Variants in CNTNAP2 observed in about 807,000 individuals in gnomAD.
The protein encoded by CNTNAP2 is contactin associated protein 2.
A neutral mutation model predicts 155.2 loss-of-function variants in CNTNAP2; 98 were observed. That is an observed-to-expected ratio of 0.63 (90% CI 0.54 to 0.75). The LOEUF (loss-of-function observed/expected upper bound fraction) is 0.75. Among genes scored for constraint, CNTNAP2 ranks in the 30% least tolerant of loss-of-function variants. The pLI, the probability that CNTNAP2 is intolerant of heterozygous loss-of-function variation, is 0.00. For synonymous variants in CNTNAP2, 651 were observed against 631.2 expected (o/e 1.03, Z -0.47); for missense variants, 1,727 against 1,688.1 (o/e 1.02, Z -0.40).
chr7:147,562,634 T>C (rs1800086845), intron 12 of CNTNAP2, among the ~76,000 whole-genome samples: 1 of 152,198 alleles, frequency 6.6e-6, no homozygotes, highest in Non-Finnish European at 1.5e-5. Context: ...AGCTTTTAGA[T>C]CGTGACAGAC....
At chr7:146,684,500 T>C (rs1800559826) in intron 1 of CNTNAP2, among the ~76,000 whole-genome samples, 1 of 152,046 alleles carries the variant, frequency 6.6e-6, no homozygotes, top group Non-Finnish European at 1.5e-5. Context: ...AAAACACTTC[T>C]AGTATTCAAA....
intron 1 of CNTNAP2, among the ~76,000 whole-genome samples, chr7:146,448,691 G>T (rs950917345): frequency 3.3e-5 from 5 of 152,002 alleles, no homozygotes; most frequent in African/African-American, 1.2e-4. Flanking sequence ...TACCAAACTA[G>T]CATAATAAAT....
intron 1 of CNTNAP2, among the ~76,000 whole-genome samples, chr7:146,634,513 G>A (rs1300841206): frequency 1.3e-5 from 2 of 152,042 alleles, no homozygotes; most frequent in East Asian, 3.9e-4. Context: ...CTTTAGTAGT[G>A]CTCTATAAAC....
At chr7:148,349,355 C>T (rs1446225195) in intron 21 of CNTNAP2, among the ~76,000 whole-genome samples, 1 of 151,026 alleles carries the variant, frequency 6.6e-6, no homozygotes, top group Non-Finnish European at 1.5e-5. Flanking sequence ...ACGTAAAACA[C>T]ACTAACACTA....
chr7:147,739,659 G>A (rs1796923050), intron 13 of CNTNAP2, among the ~76,000 whole-genome samples: 1 of 151,880 alleles, frequency 6.6e-6, no homozygotes, highest in Non-Finnish European at 1.5e-5. Context: ...GCCTTGAGAA[G>A]CTGAAAATTG....
At chr7:146,559,814 T>C (rs1029542876) in intron 1 of CNTNAP2, among the ~76,000 whole-genome samples, 4 of 151,036 alleles carry the variant, frequency 2.6e-5, no homozygotes, top group African/African-American at 9.8e-5. Flanking sequence ...ATAAATAAGT[T>C]TTATTTGATG....
chr7:148,213,809 GC>G (rs1795590155), intron 18 of CNTNAP2, among the ~76,000 whole-genome samples: 1 of 152,108 alleles, frequency 6.6e-6, no homozygotes, highest in African/African-American at 2.4e-5. Context: ...GTGTCCATCT[GC>G]CCCATCAGAC....
intron 10 of CNTNAP2, among the ~76,000 whole-genome samples, chr7:147,465,792 C>T (rs62482763): frequency 0.19 from 29,486 of 152,088 alleles, 3,076 homozygotes; most frequent in East Asian, 0.36. Flanking sequence ...AAATCATATG[C>T]TAATTGAATG....
At chr7:147,732,417 T>A (rs1258088908) in intron 13 of CNTNAP2, among the ~76,000 whole-genome samples, 4 of 152,194 alleles carry the variant, frequency 2.6e-5, no homozygotes, top group African/African-American at 4.8e-5. Context: ...GTGCCACATT[T>A]TCTTAATCCA....
In CNTNAP2 at chr7:148,420,094, C is replaced by A. The variant is rs1800080238; in HGVS notation, c.*4478C>A. 1 of 152,172 alleles carries A rather than the reference C, an allele frequency of 6.6e-6. No homozygotes were observed. The highest frequency in any genetic ancestry group is 1.5e-5 in the Non-Finnish European group (1 of 68,040). The allele number at this position is 152,172 out of a possible 1,614,324, so 9.4% of individuals were successfully genotyped here. A position where few individuals can be genotyped will look rare whatever the true frequency, so the allele number is the denominator to read the frequency against. Reference sequence around the variant, plus strand: ...TTACTGGCATGGCTCTACAGCTGCTCAGTTATTAATCATGCAGACTAACCT... The same window carrying A: ...TTACTGGCATGGCTCTACAGCTGCTAAGTTATTAATCATGCAGACTAACCT... On this transcript the variant is annotated 3_prime_UTR_variant, in exon 24 of 24. Coordinates refer to ENST00000361727, the MANE Select transcript of CNTNAP2 (RefSeq NM_014141.6).
intron 2 of CNTNAP2, among the ~76,000 whole-genome samples, chr7:146,791,715 A>G (rs570592729): frequency 2.0e-5 from 3 of 152,226 alleles, no homozygotes; most frequent in Non-Finnish European, 2.9e-5. Context: ...TCAGCAATTT[A>G]TCAATGAAAT....
intron 15 of CNTNAP2, among the ~76,000 whole-genome samples, chr7:148,081,539 T>C (rs1365411065): frequency 6.6e-6 from 1 of 152,094 alleles, no homozygotes; most frequent in Non-Finnish European, 1.5e-5. Flanking sequence ...CCCTCAAACA[T>C]TGGACCCCTG....
intron 10 of CNTNAP2, among the ~76,000 whole-genome samples, chr7:147,452,860 A>T (rs1053429905): frequency 6.6e-6 from 1 of 151,944 alleles, no homozygotes; most frequent in Non-Finnish European, 1.5e-5. Context: ...AAGGAAGGGG[A>T]CAGAGTGAAG....
chr7:147,976,363 G>A (rs973441350), intron 14 of CNTNAP2, among the ~76,000 whole-genome samples: 1 of 152,062 alleles, frequency 6.6e-6, no homozygotes, highest in African/African-American at 2.4e-5. Flanking sequence ...TAATATCAAA[G>A]GCTTTGTTTC....
At chr7:148,390,345 G>A (rs1799318533) in intron 22 of CNTNAP2, among the ~76,000 whole-genome samples, 1 of 152,188 alleles carries the variant, frequency 6.6e-6, no homozygotes. Context: ...GGTGGCTCCA[G>A]TGAAAGCACC....
Position 147,347,420 on chromosome 7 carries a change from TTATATATA to T in CNTNAP2, c.1498+47142_1498+47149del, listed in dbSNP as rs137977529. ...CTGTATTTCCTCTTATGTGAAAAGA[TTATATATA>T]TATATATATATGCATATATATATAT... On this transcript the variant is annotated intron_variant, in intron 9 of 23. Coordinates refer to ENST00000361727, the MANE Select transcript of CNTNAP2 (RefSeq NM_014141.6). 1.4e-3 allele frequency among the ~76,000 whole-genome samples: 172 copies of T among 120,740 alleles called. 2 individuals are homozygous for T. Among genetic ancestry groups the T allele is most frequent in the African/African-American group, 5.7e-3 (160 of 28,160 alleles). The allele number at this position is 120,740 out of a possible 152,430, so 79.2% of individuals were successfully genotyped here.
At chr7:146,153,672 A>C (rs1384514361) in intron 1 of CNTNAP2, among the ~76,000 whole-genome samples, 1 of 152,176 alleles carries the variant, frequency 6.6e-6, no homozygotes, top group Non-Finnish European at 1.5e-5. Flanking sequence ...TGCAGAGCAA[A>C]TACCCTAAAA....
At chr7:147,064,278 A>G (rs2129263484) in intron 4 of CNTNAP2, among the ~76,000 whole-genome samples, 1 of 152,334 alleles carries the variant, frequency 6.6e-6, no homozygotes, top group East Asian at 1.9e-4. Flanking sequence ...TAATTGATAT[A>G]TCAGAATTCT....
chr7:147,083,569 T>C (rs1490458906), intron 4 of CNTNAP2, among the ~76,000 whole-genome samples: 5 of 138,822 alleles, frequency 3.6e-5, no homozygotes, highest in Non-Finnish European at 6.0e-5. Context: ...TATATACACA[T>C]ATATATGTAT....
Sources: gnomAD v4.1 joint callset for allele counts (sites outside exome capture counted in the v4.1 genomes callset) on GRCh38, gnomAD v4.1.1 for gene constraint, MANE v1.5 for transcripts, NCBI Gene and HGNC (gene_info 2026-07-23, HGNC 2026-07-21) for gene names.